Variants in MAP1B observed in about 807,000 individuals in gnomAD.
MAP1B encodes microtubule-associated protein 1B.
In MAP1B, 12 loss-of-function variants were observed where a neutral mutation model predicts 176.1. The ratio of observed to expected loss-of-function variants is 0.07; its 90% confidence interval spans 0.04 to 0.11. MAP1B has a LOEUF of 0.11. Among genes scored for constraint, MAP1B ranks in the 10% least tolerant of loss-of-function variants. The probability of loss-of-function intolerance (pLI) is 1.00; values close to 1 mark genes in which losing one functional copy is unlikely to be tolerated. For synonymous variants in MAP1B, 1,044 were observed against 1,135.0 expected (o/e 0.92, Z 1.61); for missense variants, 2,523 against 2,990.5 (o/e 0.84, Z 3.65).
rs1278180673 is a variant in MAP1B, at chr5:72,205,139, C to T, written c.7307C>T (p.Thr2436Ile). Reference protein sequence around the residue: ...SEVMREWYQETHEKQQDLNIM... With the variant: ...SEVMREWYQEIHEKQQDLNIM... ...GTGATGAGGGAATGGTACCAGGAGA[C>T]CCATGAGAAACAGCAAGATCTCAAC... The change falls in exon 7 of 7, where the codon ACC (threonine) becomes ATC (isoleucine). Residue 2436 changes from threonine (T) to isoleucine (I), a missense_variant. Physicochemically the swap from Thr to Ile is moderately conservative, Grantham distance 89 (BLOSUM62 -1). This residue lies in a region of MAP1B where 287 missense variants were observed against 401.5 expected (regional missense o/e 0.71). Transcript: ENST00000296755. 2.5e-6 allele frequency: 4 copies of T among 1,613,660 alleles called. No individual in the cohort carries two copies.
chr5:72,108,834 G>C (rs2112106481), intron 1 of MAP1B, among the ~76,000 whole-genome samples: 1 of 152,328 alleles, frequency 6.6e-6, no homozygotes, highest in East Asian at 1.9e-4. Context: ...TCTGGTCTCT[G>C]CCTTTCCCTT....
intron 2 of MAP1B, among the ~76,000 whole-genome samples, chr5:72,168,562 C>T (rs1746474302): frequency 6.6e-6 from 1 of 152,176 alleles, no homozygotes; most frequent in South Asian, 2.1e-4. Flanking sequence ...TTTATGCATG[C>T]TGCCTTTCTT....
chr5:72,186,327 G>C lies in MAP1B; in HGVS notation c.370-287G>C, dbSNP rs1228621345. Reference sequence around the variant, plus strand: ...GCTTTGAAAAAGAGGAGGAAACTAGGGGGAGAAAGTCAACTATCGCTACTG... The same window carrying C: ...GCTTTGAAAAAGAGGAGGAAACTAGCGGGAGAAAGTCAACTATCGCTACTG... On this transcript the variant is annotated intron_variant, in intron 3 of 6. Coordinates refer to ENST00000296755, the MANE Select transcript of MAP1B (RefSeq NM_005909.5). This position sits in a 1 kb window ranked among gnomAD's most constrained non-coding sequence, Gnocchi z 4.3. Among the ~76,000 whole-genome samples the C allele has an allele frequency of 6.6e-6, 1 of 152,150 alleles. No homozygotes were observed. The highest frequency in any genetic ancestry group is 1.5e-5 in the Non-Finnish European group (1 of 68,040).
In MAP1B at chr5:72,115,688, C is replaced by T. The variant is rs1745420353; in HGVS notation, c.185-10C>T. ...GGAAGTCTCTCAACTGTCTTTCTTT[C>T]CCTCCCTAGGAATCCGATCATGGGA... On this transcript the variant is annotated splice_polypyrimidine_tract_variant and intron_variant, in intron 1 of 6. Transcript: ENST00000296755. The T allele has an allele frequency of 1.3e-6, 2 of 1,519,052 alleles. No homozygotes were observed. Among genetic ancestry groups the T allele is most frequent in the South Asian group, 1.1e-5 (1 of 89,128 alleles). The allele number at this position is 1,519,052 out of a possible 1,614,324, so 94.1% of individuals were successfully genotyped here. A position where few individuals can be genotyped will look rare whatever the true frequency, so the allele number is the denominator to read the frequency against.
chr5:72,116,389 T>C (rs1313635331), intron 2 of MAP1B: 1 of 398,176 alleles, frequency 2.5e-6, no homozygotes, highest in Non-Finnish European at 4.8e-6. Flanking sequence ...AATCTGATAT[T>C]ACAAACTTCT....
chr5:72,120,655 T>C (rs1745511374), intron 2 of MAP1B, among the ~76,000 whole-genome samples: 1 of 152,086 alleles, frequency 6.6e-6, no homozygotes, highest in Non-Finnish European at 1.5e-5. Context: ...CTCGATCTCC[T>C]GACCTCATCA....
intron 4 of MAP1B, 122 bp from the exon 5 acceptor site, chr5:72,193,744 T>A (rs1016204432): frequency 5.9e-5 from 64 of 1,081,000 alleles, no homozygotes; most frequent in Non-Finnish European, 7.7e-5. Flanking sequence ...AGAGTGCATG[T>A]CTGAAACTGG....
At chr5:72,162,670 T>C (rs1270839436) in intron 2 of MAP1B, among the ~76,000 whole-genome samples, 1 of 152,216 alleles carries the variant, frequency 6.6e-6, no homozygotes, top group Non-Finnish European at 1.5e-5. Flanking sequence ...CCAGGGTCTT[T>C]GCTGCTTACA....
intron 2 of MAP1B, among the ~76,000 whole-genome samples, chr5:72,160,991 T>C (rs956837234): frequency 6.6e-6 from 1 of 152,326 alleles, no homozygotes; most frequent in East Asian, 1.9e-4. Context: ...CTAACTCCAG[T>C]GTACACCATT....
intron 2 of MAP1B, among the ~76,000 whole-genome samples, chr5:72,137,757 G>A (rs1745862243): frequency 6.6e-6 from 1 of 152,098 alleles, no homozygotes; most frequent in Non-Finnish European, 1.5e-5. Flanking sequence ...CATCTAATAT[G>A]TATCAAAGCC....
chr5:72,142,831 G>A (rs1206296248), intron 2 of MAP1B, among the ~76,000 whole-genome samples: 1 of 152,024 alleles, frequency 6.6e-6, no homozygotes, highest in Non-Finnish European at 1.5e-5. Context: ...GCCGTAGTGC[G>A]TAAACATTTT....
intron 2 of MAP1B, among the ~76,000 whole-genome samples, chr5:72,135,140 C>T (rs556143772): frequency 1.7e-4 from 26 of 151,696 alleles, no homozygotes; most frequent in Middle Eastern, 6.3e-3. Context: ...CTAACAATAA[C>T]CCTGAGTCAG....
chr5:72,193,805 T>C (rs1398564391), intron 4 of MAP1B, 61 bp from the exon 5 acceptor site: 2 of 1,486,224 alleles, frequency 1.3e-6, no homozygotes, highest in African/African-American at 2.8e-5. Flanking sequence ...CTGGAGATGA[T>C]GGATCAGTGA....
At chr5:72,181,222 G>T in intron 2 of MAP1B, among the ~76,000 whole-genome samples, 1 of 152,290 alleles carries the variant, frequency 6.6e-6, no homozygotes, top group Non-Finnish European at 1.5e-5. Context: ...TAGGATGGTG[G>T]GGGAGAATGG....
At chr5:72,150,342 T>A (rs1746119160) in intron 2 of MAP1B, among the ~76,000 whole-genome samples, 1 of 152,370 alleles carries the variant, frequency 6.6e-6, no homozygotes, top group Admixed American at 6.5e-5. Flanking sequence ...GTAACTGGCA[T>A]GTATTAATAT....
intron 2 of MAP1B, among the ~76,000 whole-genome samples, chr5:72,164,216 C>G (rs554562671): frequency 2.6e-5 from 4 of 152,214 alleles, no homozygotes; most frequent in Admixed American, 2.0e-4. Flanking sequence ...CAGGCATGAG[C>G]TGCCACGCCC....
chr5:72,197,502 C>T lies in MAP1B; in HGVS notation c.4147C>T (p.Pro1383Ser). 4 of 1,614,194 alleles carry T rather than the reference C, an allele frequency of 2.5e-6. No individual in the cohort carries two copies. The highest frequency in any genetic ancestry group is 3.4e-6 in the Non-Finnish European group (4 of 1,180,038). ...ERASVSPMDE[P>S]VPDSESPIEK... ...GGCTTCAGTAAGCCCCATGGATGAG[C>T]CCGTGCCTGACTCAGAGTCTCCTAT... The change falls in exon 5 of 7, where the codon CCC (proline) becomes TCC (serine). Residue 1383 changes from proline (P) to serine (S), a missense_variant. This residue lies in a region of MAP1B where 1,925 missense variants were observed against 2,126.0 expected (regional missense o/e 0.91). Coordinates refer to ENST00000296755, the MANE Select transcript of MAP1B (RefSeq NM_005909.5).
chr5:72,183,046 G>A (rs945187018), intron 2 of MAP1B, among the ~76,000 whole-genome samples: 9 of 152,184 alleles, frequency 5.9e-5, no homozygotes, highest in Admixed American at 4.6e-4. Context: ...GCCCCGCAGG[G>A]TTTCAGCCCT....
At chr5:72,192,308 T>C (rs911049978) in intron 4 of MAP1B, among the ~76,000 whole-genome samples, 1 of 152,226 alleles carries the variant, frequency 6.6e-6, no homozygotes, top group Non-Finnish European at 1.5e-5. Flanking sequence ...GCCTGTCCCC[T>C]CTACCCAAAG....
Sources: allele counts gnomAD v4.1 joint callset (sites outside exome capture counted in the v4.1 genomes callset), GRCh38; gene constraint gnomAD v4.1.1; regional missense constraint gnomAD v4.1.1; non-coding constraint Gnocchi (gnomAD v3.1); transcripts MANE v1.5; gene names NCBI Gene and HGNC (gene_info 2026-07-23, HGNC 2026-07-21).